AP3B2: variants seen among roughly 807,000 people sequenced by gnomAD.
The protein encoded by AP3B2 is adaptor related protein complex 3 subunit beta 2, also known as AP-3 complex subunit beta-2.
In AP3B2, 50 loss-of-function variants were observed where a neutral mutation model predicts 126.9. The ratio of observed to expected loss-of-function variants is 0.39; its 90% CI spans 0.31 to 0.50. The LOEUF is 0.50. AP3B2 is among the 20% of genes least tolerant of loss of function. The pLI is 0.79. For synonymous variants in AP3B2, 541 were observed against 565.0 expected (o/e 0.96, Z 0.60); for missense variants, 1,177 against 1,426.4 (o/e 0.83, Z 2.82).
intron 14 of AP3B2, among the ~76,000 whole-genome samples, chr15:82,670,116 G>C (rs574360892): frequency 9.7e-5 from 12 of 123,498 alleles, no homozygotes; most frequent in African/African-American, 3.7e-4. Flanking sequence ...TTTTTTTGGC[G>C]GGGGGGGACG....
intron 1 of AP3B2, among the ~76,000 whole-genome samples, chr15:82,703,695 G>A (rs951396047): frequency 5.3e-5 from 8 of 152,100 alleles, no homozygotes; most frequent in Admixed American, 5.2e-4. Context: ...TGAGGTGCCT[G>A]ATGTCCAGGC....
At chr15:82,683,862 T>C (rs1030606033) in intron 4 of AP3B2, among the ~76,000 whole-genome samples, 1 of 152,244 alleles carries the variant, frequency 6.6e-6, no homozygotes, top group Non-Finnish European at 1.5e-5. Context: ...AATCTCCTTG[T>C]ACCTCTCCAT....
chr15:82,689,579 G>A (rs1039610518), intron 1 of AP3B2, 126 bp from the exon 2 acceptor site: 4 of 783,002 alleles, frequency 5.1e-6, no homozygotes, highest in South Asian at 3.3e-5. Context: ...CCCGAGGAGG[G>A]ACCAGAGCCA....
intron 1 of AP3B2, chr15:82,692,401 T>TCCCCG: frequency 2.1e-6 from 1 of 475,696 alleles, no homozygotes; most frequent in Non-Finnish European, 3.7e-6. Context: ...CCCCGCAGCG[T>TCCCCG]CCCCGCGGGC....
Position 82,659,488 on chromosome 15 carries a change from T to A in AP3B2, c.*72A>T. ...GGATGATGAGAGAGAGAGAGAAAGATGAGAGAGACTGACAGCCTAGGTGTC... is the reference window on the plus strand; with the variant it reads ...GGATGATGAGAGAGAGAGAGAAAGAAGAGAGAGACTGACAGCCTAGGTGTC... On this transcript the variant is annotated 3_prime_UTR_variant, in exon 27 of 27. Transcript: ENST00000535359. The A allele has an allele frequency of 6.4e-7, 1 of 1,561,508 alleles. No individual in the cohort carries two copies. The highest frequency in any genetic ancestry group is 1.3e-5 in the African/African-American group (1 of 74,104).
rs543128341 is a variant in AP3B2, at chr15:82,673,305, C to A, written c.1665+3156G>T. On this transcript the variant is annotated intron_variant, in intron 14 of 26. Transcript: ENST00000535359. The stretch of plus-strand genomic sequence containing the variant: ...TCTCAGCTCACTGTAACCTCCACCT[C>A]CTGGGTTCAAGCAATTCTCCTGCCA... 3.0e-3 allele frequency among the ~76,000 whole-genome samples: 461 copies of A among 152,298 alleles called. 4 individuals are homozygous for A. Among genetic ancestry groups the A allele is most frequent in the Non-Finnish European group, 4.0e-3 (275 of 68,034 alleles).
intron 1 of AP3B2, among the ~76,000 whole-genome samples, chr15:82,690,877 C>T (rs961030341): frequency 1.3e-5 from 2 of 151,818 alleles, no homozygotes; most frequent in African/African-American, 2.4e-5. Context: ...AGGATGGTCT[C>T]GATCTCCTGA....
At chr15:82,689,571 C>G (rs1017072328) in intron 1 of AP3B2, 118 bp from the exon 2 acceptor site, 1 of 865,940 alleles carries the variant, frequency 1.2e-6, no homozygotes, top group Non-Finnish European at 1.8e-6. Context: ...GGACCTGACC[C>G]GAGGAGGGAC....
chr15:82,671,227 G>A (rs1221408140), intron 14 of AP3B2, among the ~76,000 whole-genome samples: 2 of 152,182 alleles, frequency 1.3e-5, no homozygotes, highest in South Asian at 2.1e-4. Flanking sequence ...AGGTTGCAGT[G>A]AGCCAAGATC....
chr15:82,706,805 A>G (rs1259609027), intron 1 of AP3B2, among the ~76,000 whole-genome samples: 2 of 152,028 alleles, frequency 1.3e-5, no homozygotes, highest in East Asian at 3.9e-4. Context: ...TTTCCTTTCC[A>G]TTGTGGAAAT....
Position 82,659,466 on chromosome 15 carries a change from TGATGAGAGAGAGAGAGAAA to T in AP3B2, c.*75_*93del. ...TGAATGCTATCTGGCATGAGGAGGA[TGATGAGAGAGAGAGAGAAA>T]GATGAGAGAGACTGACAGCCTAGGT... On this transcript the variant is annotated 3_prime_UTR_variant, in exon 27 of 27. Coordinates refer to ENST00000535359, the MANE Select transcript of AP3B2 (RefSeq NM_001278512.2). The T allele has an allele frequency of 6.6e-7, 1 of 1,505,170 alleles. No individual in the cohort carries two copies. The highest frequency in any genetic ancestry group is 9.1e-7 in the Non-Finnish European group (1 of 1,103,930). The allele number at this position is 1,505,170 out of a possible 1,614,324, so 93.2% of individuals were successfully genotyped here.
At chr15:82,670,406 G>A (rs1013221020) in intron 14 of AP3B2, among the ~76,000 whole-genome samples, 8 of 152,172 alleles carry the variant, frequency 5.3e-5, no homozygotes, top group Admixed American at 5.2e-4. Flanking sequence ...CACCACGCCT[G>A]GCCGTGAATT....
At chr15:82,699,242 C>T (rs1453464054) in intron 1 of AP3B2, 2 of 158,894 alleles carry the variant, frequency 1.3e-5, no homozygotes, top group Non-Finnish European at 2.7e-5. Flanking sequence ...TCGCTGTCAC[C>T]TCTTACCACC....
At chr15:82,693,525 G>A (rs1327379834) in intron 1 of AP3B2, among the ~76,000 whole-genome samples, 4 of 151,972 alleles carry the variant, frequency 2.6e-5, no homozygotes, top group African/African-American at 9.7e-5. Flanking sequence ...GAGATTACAG[G>A]TGTGAGCCAC....
intron 14 of AP3B2, among the ~76,000 whole-genome samples, chr15:82,672,340 A>G (rs1185885605): frequency 6.6e-6 from 1 of 152,238 alleles, no homozygotes; most frequent in African/African-American, 2.4e-5. Flanking sequence ...CATTATTTTA[A>G]GTGAAATAAG....
At chr15:82,690,789 G>C (rs1054060134) in intron 1 of AP3B2, among the ~76,000 whole-genome samples, 1 of 151,606 alleles carries the variant, frequency 6.6e-6, no homozygotes, top group Non-Finnish European at 1.5e-5. Context: ...GAGTAGCTGG[G>C]ACTACAGGTA....
intron 20 of AP3B2, 29 bp from the exon 21 acceptor site, chr15:82,663,649 G>A: frequency 6.2e-7 from 1 of 1,613,706 alleles, no homozygotes; most frequent in Non-Finnish European, 8.5e-7. Flanking sequence ...ATGTGGGTGT[G>A]GGGAAGGGGA....
At chr15:82,705,093 A>C (rs1219008606) in intron 1 of AP3B2, among the ~76,000 whole-genome samples, 1 of 151,968 alleles carries the variant, frequency 6.6e-6, no homozygotes, top group Non-Finnish European at 1.5e-5. Context: ...CCCCCAGTTC[A>C]AAGCCTCCTT....
intron 1 of AP3B2, chr15:82,708,997 A>G (rs1157581460): frequency 1.3e-5 from 2 of 152,376 alleles, no homozygotes; most frequent in African/African-American, 4.8e-5. Context: ...TTTACGAATA[A>G]ACAAATGAAG....
Sources: allele counts gnomAD v4.1 joint callset (sites outside exome capture counted in the v4.1 genomes callset), GRCh38; gene constraint gnomAD v4.1.1; transcripts MANE v1.5; gene names NCBI Gene and HGNC (gene_info 2026-07-23, HGNC 2026-07-21).